HSDL1: variants seen among roughly 807,000 people sequenced by gnomAD.
The protein encoded by HSDL1 is inactive hydroxysteroid dehydrogenase-like protein 1.
A neutral mutation model predicts 31.5 loss-of-function variants in HSDL1; 29 were observed. The observed-to-expected ratio is 0.92, with a 90% CI of 0.69 to 1.26. HSDL1 has a LOEUF of 1.26. Ranked by LOEUF, HSDL1 falls within the 50% of genes most tolerant of loss-of-function variation. The probability of loss-of-function intolerance (pLI) is 0.00; values close to 1 mark genes in which losing one functional copy is unlikely to be tolerated. For missense variants in HSDL1, 503 were observed against 416.6 expected (o/e 1.21, Z -1.81); for synonymous variants, 222 against 155.2 (o/e 1.43, Z -3.20).
chr16:84,133,019 C>G (rs1274564590), intron 2 of HSDL1, among the ~76,000 whole-genome samples: 1 of 144,168 alleles, frequency 6.9e-6, no homozygotes, highest in Non-Finnish European at 1.5e-5. Context: ...AAATACCCAA[C>G]AATAGCAGCA....
At position 84,124,400 on chromosome 16, in the gene HSDL1, T is replaced by C. The variant is rs2086581990; in HGVS notation, c.*230A>G. The C allele has an allele frequency of 2.5e-6, 1 of 396,226 alleles. No homozygotes were observed. Among genetic ancestry groups the C allele is most frequent in the Middle Eastern group, 6.8e-4 (1 of 1,474 alleles). The allele number at this position is 396,226 out of a possible 1,614,324, so 24.5% of individuals were successfully genotyped here. ...ACAGCTTAGGGAAAAAGCACTGAAA[T>C]GTAGATGTCGTCAATCAGCCTCAGG... is the stretch of plus-strand genomic sequence containing the variant. On this transcript the variant is annotated 3_prime_UTR_variant, in exon 6 of 6. Coordinates refer to ENST00000219439, the MANE Select transcript of HSDL1 (RefSeq NM_031463.5).
intron 2 of HSDL1, among the ~76,000 whole-genome samples, chr16:84,131,740 G>A (rs919146644): frequency 4.8e-5 from 7 of 146,218 alleles, no homozygotes; most frequent in African/African-American, 1.0e-4. Context: ...GTGCAGTGGC[G>A]CAATCTCGGC....
intron 4 of HSDL1, 74 bp from the exon 5 acceptor site, chr16:84,129,849 C>T: frequency 4.1e-6 from 6 of 1,449,074 alleles, no homozygotes; most frequent in Non-Finnish European, 5.7e-6. Flanking sequence ...AAAAGACTTG[C>T]TTATTATCAA....
At chr16:84,127,209 C>CTTTTTTTTTTTTTTTT in intron 5 of HSDL1, among the ~76,000 whole-genome samples, 1 of 93,378 alleles carries the variant, frequency 1.1e-5, no homozygotes, top group Non-Finnish European at 2.1e-5. Context: ...ACTGTTTCTT[C>CTTTTTTTTTTTTTTTT]TTTTTTTTTT....
At chr16:84,131,853 G>C (rs535824840) in intron 2 of HSDL1, among the ~76,000 whole-genome samples, 2 of 152,120 alleles carry the variant, frequency 1.3e-5, no homozygotes, top group Non-Finnish European at 2.9e-5. Flanking sequence ...CTAATTTTTT[G>C]TATTTTTAGT....
chr16:84,127,907 G>C (rs2086625070), intron 5 of HSDL1, among the ~76,000 whole-genome samples: 1 of 151,022 alleles, frequency 6.6e-6, no homozygotes. Flanking sequence ...TTTTAATAGA[G>C]ACGGGGTTTC....
Position 84,129,598 on chromosome 16 carries a change from T to C in HSDL1, c.844A>G (p.Thr282Ala), listed in dbSNP as rs982842178. 1 of 1,614,042 alleles carries C rather than the reference T, an allele frequency of 6.2e-7. No individual in the cohort carries two copies. The highest frequency in any genetic ancestry group is 8.5e-7 in the Non-Finnish European group (1 of 1,180,016). ...GTGGTCCTTTTGGAAATCCCAAGAG[T>C]AGAAACAGCATGATGTGCATAGACT... The part of the protein sequence containing the change: ...PKVYAHHAVS[T>A]LGISKRTTGY... The change falls in exon 5 of 6, where the codon ACT (threonine) becomes GCT (alanine). Residue 282 changes from threonine (T) to alanine (A), a missense_variant. Coordinates refer to ENST00000219439, the MANE Select transcript of HSDL1 (RefSeq NM_031463.5).
Position 84,131,339 on chromosome 16 carries a change from G to C in HSDL1, c.-6-12C>G, listed in dbSNP as rs774352027. 2.5e-6 allele frequency: 4 copies of C among 1,569,916 alleles called. No homozygotes were observed. The highest frequency in any genetic ancestry group is 1.8e-6 in the Non-Finnish European group (2 of 1,140,652). Reference sequence around the variant, plus strand: ...GCAGCCATGGCAACCTGCAGGGAGAGGGAAAGAGAGAGAGCCTCTTTGATT... The same window carrying C: ...GCAGCCATGGCAACCTGCAGGGAGACGGAAAGAGAGAGAGCCTCTTTGATT... On this transcript the variant is annotated splice_polypyrimidine_tract_variant and intron_variant, in intron 2 of 5. Coordinates refer to ENST00000219439, the MANE Select transcript of HSDL1 (RefSeq NM_031463.5).
At chr16:84,140,351 G>A (rs1043641129) in intron 1 of HSDL1, among the ~76,000 whole-genome samples, 3 of 152,212 alleles carry the variant, frequency 2.0e-5, no homozygotes, top group Non-Finnish European at 2.9e-5. Context: ...TGCAACCTCC[G>A]CCTCCTGGGT....
chr16:84,137,410 A>C (rs1405676323), intron 1 of HSDL1, among the ~76,000 whole-genome samples: 2 of 152,210 alleles, frequency 1.3e-5, no homozygotes, highest in African/African-American at 4.8e-5. Flanking sequence ...TGGGAGAGGC[A>C]GACTGGAGAT....
intron 2 of HSDL1, among the ~76,000 whole-genome samples, 156 bp from the exon 3 acceptor site, chr16:84,131,483 G>GTCTGTCTGTCTGTCTGTCTA (rs1232519658): frequency 4.2e-5 from 6 of 144,240 alleles, no homozygotes; most frequent in African/African-American, 1.6e-4. Flanking sequence ...CACAGTTTCA[G>GTCTGTCTGTCTGTCTGTCTA]TCTATCTATC....
intron 1 of HSDL1, among the ~76,000 whole-genome samples, chr16:84,141,233 A>G (rs1414846179): frequency 1.4e-5 from 2 of 145,486 alleles, no homozygotes; most frequent in Admixed American, 6.8e-5. Context: ...GCAGCTATAT[A>G]GTCCATCCTC....
At chr16:84,127,601 C>T (rs75615406) in intron 5 of HSDL1, among the ~76,000 whole-genome samples, 5,399 of 149,356 alleles carry the variant, frequency 0.036, 162 homozygotes, top group Middle Eastern at 0.076. Context: ...TTGGTAGTGG[C>T]AAATCTAATA....
intron 1 of HSDL1, among the ~76,000 whole-genome samples, chr16:84,140,940 A>T (rs961233680): frequency 1.3e-5 from 2 of 151,766 alleles, no homozygotes; most frequent in African/African-American, 4.9e-5. Flanking sequence ...AAATACAAAA[A>T]ATTAGCCGGG....
rs1488247416 is a variant in HSDL1, at chr16:84,135,000, G to A, written c.-7+544C>T. On this transcript the variant is annotated intron_variant, in intron 2 of 5. Coordinates refer to ENST00000219439, the MANE Select transcript of HSDL1 (RefSeq NM_031463.5). ...TGTAGTCCCAGCACTTTGGGAGGCC[G>A]AGACGGGCGGATCACGAGGTCAGGA... 5.3e-5 allele frequency among the ~76,000 whole-genome samples: 8 copies of A among 152,284 alleles called. No individual in the cohort carries two copies. In the South Asian group the frequency reaches 6.2e-4, roughly 12 times the overall value.
intron 2 of HSDL1, among the ~76,000 whole-genome samples, chr16:84,134,176 G>T (rs140675334): frequency 6.6e-6 from 1 of 152,102 alleles, no homozygotes; most frequent in African/African-American, 2.4e-5. Flanking sequence ...AGGAAGCCGC[G>T]CCACCACCCC....
At chr16:84,139,527 C>G (rs947222704) in intron 1 of HSDL1, among the ~76,000 whole-genome samples, 1 of 152,204 alleles carries the variant, frequency 6.6e-6, no homozygotes, top group Non-Finnish European at 1.5e-5. Flanking sequence ...CTGCTGACAC[C>G]TTGACTTTAG....
At chr16:84,143,257 A>G (rs982308416) in intron 1 of HSDL1, among the ~76,000 whole-genome samples, 5 of 152,242 alleles carry the variant, frequency 3.3e-5, no homozygotes, top group African/African-American at 1.2e-4. Context: ...ACAAAGGAGT[A>G]TTATTCAGCC....
chr16:84,135,149 C>A (rs969497339), intron 2 of HSDL1, among the ~76,000 whole-genome samples: 3 of 151,714 alleles, frequency 2.0e-5, no homozygotes, highest in Non-Finnish European at 4.4e-5. Context: ...AGGAGAATGG[C>A]ATGAACCGGG....
Sources: allele counts gnomAD v4.1 joint callset (sites outside exome capture counted in the v4.1 genomes callset), GRCh38; gene constraint gnomAD v4.1.1; transcripts MANE v1.5; gene names NCBI Gene and HGNC (gene_info 2026-07-23, HGNC 2026-07-21).